Variants in MYOF observed in about 807,000 individuals in gnomAD.
The protein encoded by MYOF is myoferlin, also known as fer-1-like 3, myoferlin.
Under a neutral mutation model 284.2 loss-of-function variants are expected in MYOF, and 244 were observed. The observed-to-expected ratio is 0.86, with a 90% CI of 0.77 to 0.95. The LOEUF is 0.95. Among genes scored for constraint, MYOF ranks in the 40% least tolerant of loss-of-function variants. The probability of loss-of-function intolerance (pLI) is 0.00; values close to 1 mark genes in which losing one functional copy is unlikely to be tolerated. For missense variants in MYOF, 2,496 were observed against 2,560.6 expected, an observed-to-expected ratio of 0.97 and a Z score of 0.54; for synonymous variants, 904 against 919.7, an observed-to-expected ratio of 0.98 and a Z score of 0.31.
At chr10:93,459,370 C>T (rs139425668) in intron 1 of MYOF, among the ~76,000 whole-genome samples, 90 of 152,298 alleles carry the variant, frequency 5.9e-4, no homozygotes, top group African/African-American at 2.0e-3. Flanking sequence ...GTAGCTGCTC[C>T]CTCTACAGAA....
chr10:93,465,131 G>A (rs917845050), intron 1 of MYOF, among the ~76,000 whole-genome samples: 1 of 152,156 alleles, frequency 6.6e-6, no homozygotes, highest in Admixed American at 6.6e-5. Context: ...CCCAGTTACA[G>A]AGGAAGAAAC....
intron 32 of MYOF, among the ~76,000 whole-genome samples, chr10:93,353,133 T>C (rs915561663): frequency 3.4e-4 from 52 of 152,208 alleles, no homozygotes; most frequent in Non-Finnish European, 3.2e-4. Flanking sequence ...TCTGCTGGGC[T>C]TTGAGTCCCA....
At chr10:93,316,379 G>A (rs1309885738) in intron 50 of MYOF, among the ~76,000 whole-genome samples, 1 of 152,022 alleles carries the variant, frequency 6.6e-6, no homozygotes, top group Non-Finnish European at 1.5e-5. Context: ...GGTTGAGGAG[G>A]GTAGGAGCTG....
At chr10:93,465,287 C>A (rs139708431) in intron 1 of MYOF, among the ~76,000 whole-genome samples, 10 of 152,288 alleles carry the variant, frequency 6.6e-5, no homozygotes, top group Middle Eastern at 3.4e-3. Context: ...GCCTTGAAGG[C>A]TGAGACTATG....
chr10:93,436,258 A>G (rs1290780954), intron 3 of MYOF, among the ~76,000 whole-genome samples: 1 of 152,140 alleles, frequency 6.6e-6, no homozygotes, highest in Non-Finnish European at 1.5e-5. Flanking sequence ...CTCCATTCTG[A>G]CCCAATCAGT....
intron 29 of MYOF, among the ~76,000 whole-genome samples, chr10:93,359,079 C>A (rs1219280567): frequency 2.0e-5 from 3 of 152,154 alleles, no homozygotes; most frequent in African/African-American, 7.2e-5. Flanking sequence ...AGCTCACCAT[C>A]TAATAAAAAT....
rs573018747 is a variant in MYOF, at chr10:93,451,184, A to G, written c.236+866T>C. Among the ~76,000 whole-genome samples the G allele has an allele frequency of 1.2e-4, 18 of 152,284 alleles. No homozygotes were observed. The South Asian group carries it at 3.7e-3, about 32-fold the overall frequency. Reference sequence around the variant, plus strand: ...GTGAAACCCTGTCTTTACTAAAAATATAAAAGTTAGCTGGGCGTGGTGGTG... The same window carrying G: ...GTGAAACCCTGTCTTTACTAAAAATGTAAAAGTTAGCTGGGCGTGGTGGTG... On this transcript the variant is annotated intron_variant, in intron 3 of 53. Coordinates refer to ENST00000359263, the MANE Select transcript of MYOF (RefSeq NM_013451.4).
intron 3 of MYOF, among the ~76,000 whole-genome samples, chr10:93,448,744 C>T (rs2056507591): frequency 6.6e-6 from 1 of 152,162 alleles, no homozygotes; most frequent in Non-Finnish European, 1.5e-5. Flanking sequence ...CCTGTAATCC[C>T]AGCACTTTGG....
intron 43 of MYOF, among the ~76,000 whole-genome samples, chr10:93,332,588 G>A (rs1183491166): frequency 6.7e-6 from 1 of 149,530 alleles, no homozygotes; most frequent in Non-Finnish European, 1.5e-5. Flanking sequence ...GCTCACGCCT[G>A]TAATCCCAGC....
intron 16 of MYOF, among the ~76,000 whole-genome samples, chr10:93,394,549 C>T (rs1259203410): frequency 2.7e-5 from 4 of 147,304 alleles, no homozygotes; most frequent in Non-Finnish European, 1.5e-5. Flanking sequence ...CAAGCTCCGC[C>T]TCCCTGGCTC....
chr10:93,329,904 T>A, intron 43 of MYOF, 70 bp from the exon 44 acceptor site: 1 of 1,510,006 alleles, frequency 6.6e-7, no homozygotes, highest in Non-Finnish European at 9.1e-7. Context: ...TGGGGCTCTG[T>A]GCACAGAATT....
Position 93,349,859 on chromosome 10 carries a change from T to G in MYOF, c.4032A>C (p.Lys1344Asn). 1.2e-6 allele frequency: 2 copies of G among 1,614,100 alleles called. No homozygotes were observed. The highest frequency in any genetic ancestry group is 4.5e-5 in the East Asian group (2 of 44,870). The change falls in exon 36 of 54, where the codon AAA (lysine) becomes AAC (asparagine). Residue 1344 changes from lysine (K) to asparagine (N), a missense_variant. Lys to Asn is a moderately conservative substitution (Grantham distance 94). Coordinates refer to ENST00000359263, the MANE Select transcript of MYOF (RefSeq NM_013451.4). The part of the protein sequence containing the change: ...GGERVESVVI[K>N]NLKKTPNFPS... ...GAAAGTTGGGTGTCTTCTTAAGGTT[T>G]TTGATCACCACCGATTCCACCCTTT...
intron 27 of MYOF, 46 bp downstream of exon 27, chr10:93,363,915 A>G: frequency 6.3e-7 from 1 of 1,575,616 alleles, no homozygotes; most frequent in Non-Finnish European, 8.7e-7. Context: ...GCAGATCACG[A>G]TCAGAGGTGA....
chr10:93,381,220 A>G lies in MYOF; in HGVS notation c.1875T>C (p.Asp625=), dbSNP rs751755748. ...GAGAACTGTTAGTGCCAATCTTACC[A>G]TCAAATACAGCACGGCTGTACTGAG... ...STTQYSRAVF[D]GNYYYYLPWA... is the part of the protein sequence containing the mutation. Residue 625 remains aspartate (D), a splice_region_variant and synonymous_variant, in exon 20 of 54, where the codon GAT becomes GAC. Coordinates refer to ENST00000359263, the MANE Select transcript of MYOF (RefSeq NM_013451.4). 7 of 1,614,038 alleles carry G rather than the reference A, an allele frequency of 4.3e-6. No individual in the cohort carries two copies. In the African/African-American group the frequency reaches 5.3e-5, roughly 12 times the overall value.
At chr10:93,377,828 A>G (rs1845906735) in intron 21 of MYOF, among the ~76,000 whole-genome samples, 1 of 152,272 alleles carries the variant, frequency 6.6e-6, no homozygotes, top group Admixed American at 6.5e-5. Flanking sequence ...AACAAAGGCC[A>G]GATTTCTCAC....
intron 52 of MYOF, 81 bp from the exon 53 acceptor site, chr10:93,310,248 A>G: frequency 6.6e-7 from 1 of 1,513,862 alleles, no homozygotes; most frequent in Admixed American, 1.8e-5. Flanking sequence ...CAGTTTCAGG[A>G]ATAAAGAATC....
intron 26 of MYOF, 138 bp from the exon 27 acceptor site, chr10:93,364,213 T>C: frequency 1.6e-6 from 1 of 643,632 alleles, no homozygotes; most frequent in Non-Finnish European, 2.7e-6. Flanking sequence ...TGGTTCTGAC[T>C]CCAAATTCCT....
intron 5 of MYOF, among the ~76,000 whole-genome samples, chr10:93,419,174 T>G (rs1589537999): frequency 6.6e-6 from 1 of 151,762 alleles, no homozygotes; most frequent in East Asian, 1.9e-4. Flanking sequence ...TTCTTTTTAT[T>G]TTTTTTGAGA....
At chr10:93,415,850 A>G (rs1262056690) in intron 5 of MYOF, among the ~76,000 whole-genome samples, 1 of 152,194 alleles carries the variant, frequency 6.6e-6, no homozygotes, top group Non-Finnish European at 1.5e-5. Flanking sequence ...AATATCACCC[A>G]GAATATTAAA....
Sources: allele counts gnomAD v4.1 joint callset (sites outside exome capture counted in the v4.1 genomes callset), GRCh38; gene constraint gnomAD v4.1.1; transcripts MANE v1.5; gene names NCBI Gene and HGNC (gene_info 2026-07-23, HGNC 2026-07-21).